The following CWH43 variants were observed in gnomAD, a reference collection of about 807,000 sequenced individuals.
CWH43 encodes cell wall biogenesis 43 C-terminal homolog.
A neutral mutation model predicts 85.7 loss-of-function variants in CWH43; 91 were observed. The ratio of observed to expected loss-of-function variants is 1.06; its 90% CI spans 0.90 to 1.26. The LOEUF (loss-of-function observed/expected upper bound fraction) is 1.26, where lower values mean the gene tolerates loss of function less well. Among genes scored for constraint, CWH43 ranks in the 50% most tolerant of loss-of-function variants. The pLI is 0.00. For synonymous variants in CWH43, 323 were observed against 293.6 expected (o/e 1.10, Z -1.02); for missense variants, 869 against 839.2 (o/e 1.04, Z -0.44).
rs202170640 is a variant in CWH43, at chr4:49,030,892, C to A, written c.1440C>A (p.Thr480=). 334 of 1,610,750 alleles carry A rather than the reference C, an allele frequency of 2.1e-4. No individual in the cohort carries two copies. The highest frequency in any genetic ancestry group is 2.6e-4 in the Non-Finnish European group (308 of 1,178,732). ...CCTATATGGGGAACAATGACTTAAC[C>A]ATGTGGCTAGGGGAAAAGTTGGGTT... ...SKPYMGNNDL[T]MWLGEKLGFY... is the part of the protein sequence containing the mutation. Residue 480 remains threonine, a synonymous_variant, in exon 11 of 16, where the codon ACC becomes ACA. Coordinates refer to ENST00000226432, the MANE Select transcript of CWH43 (RefSeq NM_025087.3).
At chr4:49,000,313 G>T (rs1230176819) in intron 6 of CWH43, among the ~76,000 whole-genome samples, 1 of 152,196 alleles carries the variant, frequency 6.6e-6, no homozygotes, top group Non-Finnish European at 1.5e-5. Context: ...AATCGATGAG[G>T]TTGGCCAGGT....
intron 8 of CWH43, among the ~76,000 whole-genome samples, chr4:49,012,346 C>T (rs1458912250): frequency 6.6e-6 from 1 of 152,188 alleles, no homozygotes; most frequent in African/African-American, 2.4e-5. Context: ...GTCTTCTCTA[C>T]ACGTTTATTC....
At chr4:49,001,871 G>A (rs570391927) in intron 6 of CWH43, among the ~76,000 whole-genome samples, 48 of 152,162 alleles carry the variant, frequency 3.2e-4, no homozygotes, top group Admixed American at 4.6e-4. Context: ...ATTGTAAGCC[G>A]TAAGTAAGAA....
In CWH43 at chr4:49,050,847, C is replaced by T. The variant is rs1174274058; in HGVS notation, c.2019C>T (p.Pro673=). The part of the protein sequence containing the change: ...REVSEKIHFN[P]RFGSYKEGHN... The stretch of plus-strand genomic sequence containing the variant: ...TTTCTGAGAAAATTCATTTTAATCC[C>T]AGGTGAGTTCCTTTATGCTGTAGTT... Residue 673 remains proline (P), a splice_region_variant and synonymous_variant, in exon 15 of 16, where the codon CCC becomes CCT. Coordinates refer to ENST00000226432, the MANE Select transcript of CWH43 (RefSeq NM_025087.3). The T allele has an allele frequency of 5.6e-6, 9 of 1,610,358 alleles. No individual in the cohort carries two copies. Among genetic ancestry groups the T allele is most frequent in the Non-Finnish European group, 7.6e-6 (9 of 1,177,816 alleles).
At chr4:49,027,568 A>G (rs1355055844) in intron 9 of CWH43, among the ~76,000 whole-genome samples, 4 of 152,136 alleles carry the variant, frequency 2.6e-5, no homozygotes, top group Non-Finnish European at 5.9e-5. Context: ...TTGTCAGTAC[A>G]TAGTAGGTGT....
intron 15 of CWH43, among the ~76,000 whole-genome samples, chr4:49,059,830 C>G (rs960044206): frequency 1.3e-5 from 2 of 151,848 alleles, no homozygotes; most frequent in Admixed American, 1.3e-4. Context: ...TGAGAGCCAA[C>G]CTGATTCCTG....
Position 48,988,490 on chromosome 4 carries a change from G to T in CWH43, c.57G>T (p.Trp19Cys). 1.3e-6 allele frequency: 2 copies of T among 1,564,076 alleles called. No individual in the cohort carries two copies. Among genetic ancestry groups the T allele is most frequent in the South Asian group, 1.2e-5 (1 of 81,964 alleles). ...LLESLLGCVS[W>C]SLYHDLGPMI... ...TTTTTTTTGTAGGATGTGTTTCTTG[G>T]TCTCTCTACCATGACCTGGGACCGA... Residue 19 changes from tryptophan (W) to cysteine (C), a missense_variant, in exon 2 of 16, where the codon TGG becomes TGT. Coordinates refer to ENST00000226432, the MANE Select transcript of CWH43 (RefSeq NM_025087.3).
At position 49,017,269 on chromosome 4, in the gene CWH43, G is replaced by T; in HGVS notation, c.1207G>T (p.Val403Leu). 6.2e-7 allele frequency: 1 copy of T among 1,611,818 alleles called. No individual in the cohort carries two copies. Among genetic ancestry groups the T allele is most frequent in the Non-Finnish European group, 8.5e-7 (1 of 1,178,734 alleles). Residue 403 changes from valine (V) to leucine (L), a missense_variant, in exon 9 of 16, where the codon GTG becomes TTG. Transcript: ENST00000226432. ...TTTAGTTCTGTGGCTGCTTGTTGGTGTGGGATTGTTGGGATTAGGACTACG... is the reference window on the plus strand; with the variant it reads ...TTTAGTTCTGTGGCTGCTTGTTGGTTTGGGATTGTTGGGATTAGGACTACG... Reference protein sequence around the residue: ...MKLFLWLLVGVGLLGLGLRHK... With the variant: ...MKLFLWLLVGLGLLGLGLRHK...
rs529549912 is a variant in CWH43, at chr4:49,031,480, A to T, written c.1508+520A>T. 2.7e-5 allele frequency among the ~76,000 whole-genome samples: 4 copies of T among 150,470 alleles called. No individual in the cohort carries two copies. The East Asian group carries it at 7.8e-4, about 30-fold the overall frequency. The stretch of plus-strand genomic sequence containing the variant: ...GAGGGAACAGTCAGGGTGAAGACTG[A>T]GGCAGGATCCATCTTGGTGTGCCTG... On this transcript the variant is annotated intron_variant, in intron 11 of 15. Coordinates refer to ENST00000226432, the MANE Select transcript of CWH43 (RefSeq NM_025087.3).
chr4:49,014,216 G>T (rs904508078), intron 8 of CWH43, among the ~76,000 whole-genome samples: 2 of 152,104 alleles, frequency 1.3e-5, no homozygotes, highest in East Asian at 3.8e-4. Flanking sequence ...ACTTTGAAAG[G>T]CCAAGGCAGG....
At chr4:49,057,455 G>A (rs2109850325) in intron 15 of CWH43, among the ~76,000 whole-genome samples, 1 of 152,290 alleles carries the variant, frequency 6.6e-6, no homozygotes, top group South Asian at 2.1e-4. Context: ...GTGAGCAGAG[G>A]GATGACTTCA....
At chr4:49,054,138 G>A (rs1479242214) in intron 15 of CWH43, among the ~76,000 whole-genome samples, 1 of 152,038 alleles carries the variant, frequency 6.6e-6, no homozygotes, top group African/African-American at 2.4e-5. Flanking sequence ...TAGTTTCACA[G>A]TTTCAAGCCC....
chr4:49,027,669 C>A (rs1168619431), intron 9 of CWH43, among the ~76,000 whole-genome samples: 1 of 152,156 alleles, frequency 6.6e-6, no homozygotes, highest in African/African-American at 2.4e-5. Context: ...TCCCCTCAAG[C>A]ATTTATCCCT....
Position 49,038,112 on chromosome 4 carries a change from C to T in CWH43, c.1735C>T (p.Leu579=), listed in dbSNP as rs754266083. ...AAGTAGCTCTAATCAAGTGATATTT[C>T]TGGGATATATCACTTCAGCACCTGG... The part of the protein sequence containing the change: ...LKSSSNQVIF[L]GYITSAPGSR... Residue 579 remains leucine, a synonymous_variant, in exon 13 of 16, where the codon CTG becomes TTG. Transcript: ENST00000226432. The T allele has an allele frequency of 6.2e-7, 1 of 1,612,824 alleles. No individual in the cohort carries two copies.
At chr4:49,017,185 G>A in intron 8 of CWH43, 64 bp from the exon 9 acceptor site, 5 of 1,414,974 alleles carry the variant, frequency 3.5e-6, no homozygotes, top group South Asian at 1.2e-5. Flanking sequence ...GAAGGTCAGT[G>A]TCAGCAAATT....
At chr4:49,020,416 C>T (rs200588143) in intron 9 of CWH43, among the ~76,000 whole-genome samples, 1,610 of 128,320 alleles carry the variant, frequency 0.013, 14 homozygotes, top group African/African-American at 0.025. Context: ...CACACACACA[C>T]ATATATATAT....
At chr4:49,043,786 C>A (rs1784540633) in intron 13 of CWH43, among the ~76,000 whole-genome samples, 1 of 151,906 alleles carries the variant, frequency 6.6e-6, no homozygotes, top group South Asian at 2.1e-4. Context: ...TTTCTATTTT[C>A]CCAAGACAAA....
At chr4:49,016,932 G>T (rs113169520) in intron 8 of CWH43, 7 of 784,184 alleles carry the variant, frequency 8.9e-6, no homozygotes, top group Non-Finnish European at 1.7e-5. Context: ...GATCTCCCCA[G>T]TAAAGGCCCC....
At chr4:49,019,912 G>GTT (rs1478395501) in intron 9 of CWH43, among the ~76,000 whole-genome samples, 5 of 152,000 alleles carry the variant, frequency 3.3e-5, no homozygotes, top group Non-Finnish European at 7.4e-5. Flanking sequence ...GTGGTTTTTG[G>GTT]TTATGTGGAT....
Sources: gnomAD v4.1 joint callset for allele counts (sites outside exome capture counted in the v4.1 genomes callset) on GRCh38, gnomAD v4.1.1 for gene constraint, MANE v1.5 for transcripts, NCBI Gene and HGNC (gene_info 2026-07-23, HGNC 2026-07-21) for gene names.